The following DCUN1D2 variants were observed in gnomAD, a reference collection of about 807,000 sequenced individuals.
DCUN1D2 encodes defective in cullin neddylation 1 domain containing 2.
In DCUN1D2, 29 loss-of-function variants were observed where a neutral mutation model predicts 30.9. That is an observed-to-expected ratio of 0.94 (90% CI 0.70 to 1.28). The LOEUF is 1.28. DCUN1D2 is among the 50% of genes most tolerant of loss of function. The pLI, the probability that DCUN1D2 is intolerant of heterozygous loss-of-function variation, is 0.00. For missense variants in DCUN1D2, 325 were observed against 316.9 expected, an observed-to-expected ratio of 1.03 and a Z score of -0.19; for synonymous variants, 121 against 115.3, an observed-to-expected ratio of 1.05 and a Z score of -0.32.
At chr13:113,479,454 T>C (rs1446242057) in intron 3 of DCUN1D2, among the ~76,000 whole-genome samples, 1 of 152,170 alleles carries the variant, frequency 6.6e-6, no homozygotes, top group African/African-American at 2.4e-5. Context: ...GAACAGGTGA[T>C]ATTTAAAAAT....
intron 4 of DCUN1D2, among the ~76,000 whole-genome samples, chr13:113,464,726 C>T (rs140506276): frequency 1.3e-5 from 2 of 152,230 alleles, no homozygotes; most frequent in Admixed American, 6.5e-5. Flanking sequence ...GAGAGCAGCA[C>T]GGATGGAAGA....
Position 113,458,002 on chromosome 13 carries a change from T to A in DCUN1D2, c.*27A>T, listed in dbSNP as rs1269996893. The A allele has an allele frequency of 6.3e-7, 1 of 1,599,778 alleles. No homozygotes were observed. Among genetic ancestry groups the A allele is most frequent in the Admixed American group, 1.7e-5 (1 of 59,994 alleles). On this transcript the variant is annotated 3_prime_UTR_variant, in exon 7 of 7. Coordinates refer to ENST00000478244, the MANE Select transcript of DCUN1D2 (RefSeq NM_001014283.2). ...TCCTTGCAGGATACAAATCATTTCA[T>A]AATCTTACTCCTGCTTAACTTGCTG...
Position 113,460,433 on chromosome 13 carries a change from C to T in DCUN1D2, c.603+621G>A, listed in dbSNP as rs775764493. The stretch of plus-strand genomic sequence containing the variant: ...GAGGTCTGGGCATCTCTGCCATTAC[C>T]GGGCTTGTGGCCACTCACTTCCAAA... On this transcript the variant is annotated intron_variant, in intron 5 of 6. Coordinates refer to ENST00000478244, the MANE Select transcript of DCUN1D2 (RefSeq NM_001014283.2). 5.9e-5 allele frequency among the ~76,000 whole-genome samples: 9 copies of T among 152,230 alleles called. No individual in the cohort carries two copies. The South Asian group carries it at 1.0e-3, about 17-fold the overall frequency.
chr13:113,463,836 A>G (rs905466769), intron 4 of DCUN1D2, among the ~76,000 whole-genome samples: 1 of 152,074 alleles, frequency 6.6e-6, no homozygotes, highest in Admixed American at 6.6e-5. Flanking sequence ...ACAGACACAG[A>G]CACAAAGGAA....
rs1422160843 is a variant in DCUN1D2 at position 113,458,113 on chromosome 13, A to T, written c.701-5T>A. On this transcript the variant is annotated splice_region_variant and splice_polypyrimidine_tract_variant and intron_variant, in intron 6 of 6. Coordinates refer to ENST00000478244, the MANE Select transcript of DCUN1D2 (RefSeq NM_001014283.2). ...CTATAAGAACGGGCCAAGCTCCTAAAGGAAAGCAAGCAAACAGAAAACCCG... is the reference window on the plus strand; with the variant it reads ...CTATAAGAACGGGCCAAGCTCCTAATGGAAAGCAAGCAAACAGAAAACCCG... 2.5e-6 allele frequency: 4 copies of T among 1,613,902 alleles called. No individual in the cohort carries two copies. In the African/African-American group the frequency reaches 4.0e-5, roughly 16 times the overall value.
rs769572370 is a variant in DCUN1D2, at chr13:113,456,555, GGCA to G, written c.*1471_*1473del. The G allele has an allele frequency of 2.5e-6, 1 of 396,262 alleles. No individual in the cohort carries two copies. The highest frequency in any genetic ancestry group is 4.4e-6 in the Non-Finnish European group (1 of 224,886). 24.5% of individuals were successfully genotyped at this position (396,262 alleles called of 1,614,324 possible). A position where few individuals can be genotyped will look rare whatever the true frequency, so the allele number is the denominator to read the frequency against. On this transcript the variant is annotated 3_prime_UTR_variant, in exon 7 of 7. Coordinates refer to ENST00000478244, the MANE Select transcript of DCUN1D2 (RefSeq NM_001014283.2). ...CACGTCCTGCACAGTGCTGCAGGGG[GGCA>G]GCAAGGCACGCCTGTGACATGAGAG...
intron 4 of DCUN1D2, among the ~76,000 whole-genome samples, chr13:113,473,390 C>T (rs1000625112): frequency 1.3e-5 from 2 of 152,020 alleles, no homozygotes; most frequent in African/African-American, 4.8e-5. Context: ...TGCAGACTCC[C>T]CAAGTAAAAA....
At chr13:113,481,718 T>C (rs1389240050) in intron 2 of DCUN1D2, among the ~76,000 whole-genome samples, 3 of 152,134 alleles carry the variant, frequency 2.0e-5, no homozygotes, top group Non-Finnish European at 4.4e-5. Flanking sequence ...ACCCCGTCTC[T>C]ACTAAAAATA....
intron 1 of DCUN1D2, among the ~76,000 whole-genome samples, chr13:113,487,824 A>G (rs1035565551): frequency 5.9e-5 from 9 of 152,250 alleles, no homozygotes; most frequent in Non-Finnish European, 1.0e-4. Flanking sequence ...TGAATTGTAC[A>G]CTTTAAAATA....
intron 4 of DCUN1D2, among the ~76,000 whole-genome samples, chr13:113,469,276 C>T (rs1354356481): frequency 6.6e-6 from 1 of 152,170 alleles, no homozygotes; most frequent in East Asian, 1.9e-4. Flanking sequence ...ACAGAACAGC[C>T]CTGAGATCAA....
Position 113,483,959 on chromosome 13 carries a change from T to A in DCUN1D2, c.101A>T (p.Glu34Val). The A allele has an allele frequency of 1.2e-6, 2 of 1,614,226 alleles. No homozygotes were observed. Among genetic ancestry groups the A allele is most frequent in the Non-Finnish European group, 1.7e-6 (2 of 1,180,052 alleles). Residue 34 changes from glutamate (E) to valine (V), a missense_variant, in exon 2 of 7, where the codon GAG becomes GTG. Coordinates refer to ENST00000478244, the MANE Select transcript of DCUN1D2 (RefSeq NM_001014283.2). ...GTCCGTGGCCTCGTCTAGTCTCCAC[T>A]CATTCTGCGTTAAGCAGTAGATAGC... The part of the protein sequence containing the change: ...RTAIYCLTQN[E>V]WRLDEATDSF...
chr13:113,465,489 CAG>C (rs1366224352), intron 4 of DCUN1D2, among the ~76,000 whole-genome samples: 2 of 148,632 alleles, frequency 1.3e-5, no homozygotes, highest in East Asian at 1.9e-4. Context: ...GGTGAGGAAA[CAG>C]AGAGAAGTAA....
At chr13:113,477,369 T>C (rs532101329) in intron 3 of DCUN1D2, among the ~76,000 whole-genome samples, 50 of 152,338 alleles carry the variant, frequency 3.3e-4, no homozygotes, top group African/African-American at 1.2e-3. Flanking sequence ...TTCTAGGTAT[T>C]TTGTATTTTT....
At chr13:113,471,030 C>T (rs1301756524) in intron 4 of DCUN1D2, among the ~76,000 whole-genome samples, 3 of 150,488 alleles carry the variant, frequency 2.0e-5, no homozygotes. Flanking sequence ...GAGGACCCAA[C>T]TCCACAGGGG....
chr13:113,458,163 A>G (rs1350254342), intron 6 of DCUN1D2, 55 bp from the exon 7 acceptor site: 2 of 1,413,644 alleles, frequency 1.4e-6, no homozygotes, highest in African/African-American at 2.8e-5. Flanking sequence ...TTATCTCCAA[A>G]GCACTGAGTC....
intron 5 of DCUN1D2, among the ~76,000 whole-genome samples, chr13:113,460,629 C>T (rs1011807904): frequency 1.3e-5 from 2 of 152,236 alleles, no homozygotes; most frequent in East Asian, 1.9e-4. Context: ...GGCTGGGCAC[C>T]GCCACATACA....
intron 4 of DCUN1D2, among the ~76,000 whole-genome samples, chr13:113,468,514 A>C (rs566728762): frequency 8.5e-5 from 13 of 152,338 alleles, no homozygotes; most frequent in Admixed American, 3.9e-4. Context: ...ACACTTAAAA[A>C]CAGTTAAAAT....
intron 2 of DCUN1D2, 94 bp from the exon 3 acceptor site, chr13:113,480,837 T>C (rs1355919648): frequency 2.2e-6 from 3 of 1,346,498 alleles, no homozygotes; most frequent in Middle Eastern, 2.1e-4. Flanking sequence ...TTATACTACA[T>C]AGTTCTAGCA....
intron 1 of DCUN1D2, among the ~76,000 whole-genome samples, chr13:113,485,356 G>A (rs1243389040): frequency 3.3e-5 from 5 of 152,158 alleles, no homozygotes; most frequent in Non-Finnish European, 2.9e-5. Flanking sequence ...AGGATAACAA[G>A]GTGTGGATAA....
Sources: gnomAD v4.1 joint callset for allele counts (sites outside exome capture counted in the v4.1 genomes callset) on GRCh38, gnomAD v4.1.1 for gene constraint, MANE v1.5 for transcripts, NCBI Gene and HGNC (gene_info 2026-07-23, HGNC 2026-07-21) for gene names.